Variants in CNTNAP2 observed in about 807,000 individuals in gnomAD.
CNTNAP2 encodes the protein contactin associated protein 2, also known as contactin-associated protein-like 2.
In CNTNAP2, 98 loss-of-function variants were observed where a neutral mutation model predicts 155.2. The ratio of observed to expected loss-of-function variants is 0.63; its 90% CI spans 0.54 to 0.75. CNTNAP2 has a LOEUF of 0.75. Ranked by LOEUF, CNTNAP2 falls within the 30% of genes least tolerant of loss-of-function variation. CNTNAP2 has a pLI of 0.00. For synonymous variants in CNTNAP2, 651 were observed against 631.2 expected (o/e 1.03, Z -0.47); for missense variants, 1,727 against 1,688.1 (o/e 1.02, Z -0.40).
At chr7:147,097,336 G>T (rs62481806) in intron 4 of CNTNAP2, 11,546 of 152,234 alleles carry the variant, frequency 0.076, 597 homozygotes, top group East Asian at 0.16. Flanking sequence ...TAGTTGTATG[G>T]ATGGATGGAT....
At chr7:146,642,145 T>C (rs974732758) in intron 1 of CNTNAP2, among the ~76,000 whole-genome samples, 2 of 151,790 alleles carry the variant, frequency 1.3e-5, no homozygotes, top group African/African-American at 4.8e-5. Context: ...TTTTTTTATT[T>C]TTTATTTTTA....
chr7:146,883,010 T>C (rs557453698), intron 3 of CNTNAP2, among the ~76,000 whole-genome samples: 1 of 152,290 alleles, frequency 6.6e-6, no homozygotes, highest in South Asian at 2.1e-4. Context: ...ATTTACAGAT[T>C]CAAACCTATT....
intron 21 of CNTNAP2, among the ~76,000 whole-genome samples, chr7:148,319,211 C>T (rs1797744862): frequency 6.6e-6 from 1 of 152,124 alleles, no homozygotes; most frequent in Non-Finnish European, 1.5e-5. Context: ...GGAAAATACA[C>T]TCTGTAATTA....
chr7:146,962,193 C>A (rs1797569215), intron 3 of CNTNAP2, among the ~76,000 whole-genome samples: 2 of 152,048 alleles, frequency 1.3e-5, no homozygotes, highest in African/African-American at 4.8e-5. Context: ...TTTATATTCC[C>A]AGTGCATTAA....
intron 10 of CNTNAP2, among the ~76,000 whole-genome samples, chr7:147,479,517 T>C (rs7810880): frequency 0.77 from 117,387 of 152,074 alleles, 45,587 homozygotes; most frequent in African/African-American, 0.85. Context: ...GCAGGTTCTT[T>C]TCCTGTGGGC....
In CNTNAP2 at chr7:147,664,324, G is replaced by A. The variant is rs192602471; in HGVS notation, c.2098+25018G>A. Among the ~76,000 whole-genome samples, 52 of 152,100 alleles carry A rather than the reference G, an allele frequency of 3.4e-4. 1 individual carries two copies. The highest frequency in any genetic ancestry group is 1.2e-3 in the African/African-American group (49 of 41,538). ...TTCATCTCTGGCTGACAGGAAGAGT[G>A]AAGAAGAGAACGCTGTTTCCTCGTA... On this transcript the variant is annotated intron_variant, in intron 13 of 23. Transcript: ENST00000361727.
chr7:146,627,098 C>T (rs966740177), intron 1 of CNTNAP2, among the ~76,000 whole-genome samples: 1 of 152,160 alleles, frequency 6.6e-6, no homozygotes, highest in Admixed American at 6.6e-5. Flanking sequence ...GAGCAAGTCA[C>T]ATCTTACATG....
intron 8 of CNTNAP2, among the ~76,000 whole-genome samples, chr7:147,279,803 T>C (rs954216095): frequency 1.5e-4 from 23 of 151,886 alleles, no homozygotes; most frequent in African/African-American, 5.6e-4. Flanking sequence ...GAAATAACTA[T>C]ATGATTCCTG....
intron 4 of CNTNAP2, among the ~76,000 whole-genome samples, chr7:147,100,449 C>T (rs1800630656): frequency 6.6e-6 from 1 of 152,086 alleles, no homozygotes; most frequent in Admixed American, 6.5e-5. Flanking sequence ...GTGTTTAAAA[C>T]TTAGTGACTT....
intron 1 of CNTNAP2, among the ~76,000 whole-genome samples, chr7:146,563,496 G>A (rs1485516372): frequency 6.6e-6 from 1 of 152,028 alleles, no homozygotes; most frequent in South Asian, 2.1e-4. Context: ...CAGAGAGCAT[G>A]TTATAGAAAT....
chr7:147,035,788 T>G (rs1472168282), intron 3 of CNTNAP2, among the ~76,000 whole-genome samples: 1 of 152,154 alleles, frequency 6.6e-6, no homozygotes, highest in Non-Finnish European at 1.5e-5. Context: ...AAAGTGAGGA[T>G]TTAGTTAGGA....
chr7:147,130,138 G>C (rs950166495), intron 7 of CNTNAP2, among the ~76,000 whole-genome samples: 1 of 152,036 alleles, frequency 6.6e-6, no homozygotes, highest in East Asian at 1.9e-4. Context: ...GTATAGCCTG[G>C]TATAGTGGGT....
intron 20 of CNTNAP2, among the ~76,000 whole-genome samples, chr7:148,263,732 G>A (rs1796616736): frequency 1.5e-5 from 2 of 131,852 alleles, no homozygotes; most frequent in East Asian, 4.0e-4. Context: ...GCGAGACTCA[G>A]TCCCAAAAAA....
At position 148,172,317 on chromosome 7, in the gene CNTNAP2, A is replaced by G; in HGVS notation, c.2849A>G (p.Glu950Gly). The change falls in exon 18 of 24, where the codon GAG becomes GGG. Residue 950 changes from glutamate (E) to glycine (G), a missense_variant. By Grantham distance (98) the Glu-to-Gly change is moderately conservative. Coordinates refer to ENST00000361727, the MANE Select transcript of CNTNAP2 (RefSeq NM_014141.6). ...LRMNGVTLDL[E>G]ERAKVTSGFI... ...ATGAATGGGGTGACACTTGACCTGG[A>G]GGAAAGAGCAAAGGTCACATCTGGG... The G allele has an allele frequency of 1.9e-6, 3 of 1,614,170 alleles. No homozygotes were observed. The highest frequency in any genetic ancestry group is 2.5e-6 in the Non-Finnish European group (3 of 1,180,028).
chr7:146,372,925 C>A (rs1795256069), intron 1 of CNTNAP2, among the ~76,000 whole-genome samples: 1 of 152,208 alleles, frequency 6.6e-6, no homozygotes, highest in South Asian at 2.1e-4. Flanking sequence ...ATTCAGATGA[C>A]TACCCATCTT....
intron 10 of CNTNAP2, among the ~76,000 whole-genome samples, chr7:147,426,979 A>G (rs921358754): frequency 1.3e-5 from 2 of 152,162 alleles, no homozygotes; most frequent in Admixed American, 6.6e-5. Flanking sequence ...ACCACAGACT[A>G]GGTAATTTAT....
intron 11 of CNTNAP2, among the ~76,000 whole-genome samples, chr7:147,559,568 A>C (rs1428469645): frequency 6.6e-6 from 1 of 152,176 alleles, no homozygotes; most frequent in Non-Finnish European, 1.5e-5. Context: ...ATGAAAGACA[A>C]TGATAAGGAG....
intron 1 of CNTNAP2, 27 bp from the exon 2 acceptor site, chr7:146,774,244 C>A: frequency 6.6e-7 from 1 of 1,523,544 alleles, no homozygotes; most frequent in Middle Eastern, 1.7e-4. Context: ...TTGAGTGTCT[C>A]TCTCCCTCTC....
intron 1 of CNTNAP2, among the ~76,000 whole-genome samples, chr7:146,518,133 G>A (rs981241817): frequency 6.6e-6 from 1 of 151,698 alleles, no homozygotes; most frequent in African/African-American, 2.4e-5. Context: ...TTTTGAGTAA[G>A]AATTAGTATA....
Sources: allele counts gnomAD v4.1 joint callset (sites outside exome capture counted in the v4.1 genomes callset), GRCh38; gene constraint gnomAD v4.1.1; transcripts MANE v1.5; gene names NCBI Gene and HGNC (gene_info 2026-07-23, HGNC 2026-07-21).